The following SOS1 variants were observed in gnomAD, a reference collection of about 807,000 sequenced individuals.
SOS1 encodes SOS Ras/Rac guanine nucleotide exchange factor 1.
A neutral mutation model predicts 157.6 loss-of-function variants in SOS1; 25 were observed. The observed-to-expected ratio is 0.16, with a 90% CI of 0.12 to 0.22. The LOEUF is 0.22. Ranked by LOEUF, SOS1 falls within the 10% of genes least tolerant of loss-of-function variation. The pLI is 1.00. For synonymous variants in SOS1, 528 were observed against 534.0 expected, an observed-to-expected ratio of 0.99 and a Z score of 0.16; for missense variants, 1,237 against 1,599.1, an observed-to-expected ratio of 0.77 and a Z score of 3.86.
At chr2:39,083,882 T>C (rs1263034792) in intron 1 of SOS1, among the ~76,000 whole-genome samples, 1 of 152,176 alleles carries the variant, frequency 6.6e-6, no homozygotes, top group Non-Finnish European at 1.5e-5. Context: ...CCAAAATTCA[T>C]ATGAAGCCCT....
Position 38,997,048 on chromosome 2 carries a change from AT to A in SOS1, c.2965-11del. ...AGTTTTCAAAGAACCTCTAAAATAA[AT>A]GCAAAGAAAAAATTATTAATATTCA... On this transcript the variant is annotated splice_polypyrimidine_tract_variant and intron_variant, in intron 18 of 22. Transcript: ENST00000402219. 1 of 1,385,176 alleles carries A rather than the reference AT, an allele frequency of 7.2e-7. No individual in the cohort carries two copies. The highest frequency in any genetic ancestry group is 1.0e-6 in the Non-Finnish European group (1 of 977,860). 85.8% of individuals were successfully genotyped at this position (1,385,176 alleles called of 1,614,324 possible).
At chr2:39,107,385 T>C (rs1673233864) in intron 1 of SOS1, among the ~76,000 whole-genome samples, 2 of 152,170 alleles carry the variant, frequency 1.3e-5, no homozygotes, top group South Asian at 4.1e-4. Flanking sequence ...CAGGCACCTT[T>C]CACTCAAAGA....
At chr2:39,121,624 G>A (rs1049871840), upstream of SOS1, among the ~76,000 whole-genome samples, 9 of 152,184 alleles carry the variant, frequency 5.9e-5, no homozygotes, top group Non-Finnish European at 2.9e-5. Flanking sequence ...TCCTCCAGTG[G>A]ATATCGAGAC....
intron 15 of SOS1, among the ~76,000 whole-genome samples, chr2:39,009,123 A>C (rs1033282519): frequency 1.3e-5 from 2 of 152,162 alleles, no homozygotes; most frequent in Non-Finnish European, 2.9e-5. Context: ...ATTGATGACA[A>C]TGTGCATCGA....
intron 1 of SOS1, among the ~76,000 whole-genome samples, chr2:39,076,837 G>T (rs1480207089): frequency 6.6e-6 from 1 of 152,088 alleles, no homozygotes; most frequent in Non-Finnish European, 1.5e-5. Flanking sequence ...GTTATTATTT[G>T]CAGGTAATAT....
chr2:39,079,487 A>ATTTTTT (rs1201929648), intron 1 of SOS1, among the ~76,000 whole-genome samples: 3 of 82,706 alleles, frequency 3.6e-5, no homozygotes, highest in African/African-American at 5.0e-5. Context: ...AAGTGTTCGA[A>ATTTTTT]TTTTTTTTTT....
intron 10 of SOS1, among the ~76,000 whole-genome samples, chr2:39,019,851 CT>C: frequency 6.6e-6 from 1 of 151,580 alleles, no homozygotes. Flanking sequence ...AAAAAAATTA[CT>C]GACAATATCT....
In SOS1 at chr2:39,053,373, C is replaced by G. The variant is rs145990486; in HGVS notation, c.720+1241G>C. Among the ~76,000 whole-genome samples, 1,180 of 152,204 alleles carry G rather than the reference C, an allele frequency of 7.8e-3. 7 individuals are homozygous for G. The highest frequency in any genetic ancestry group is 0.014 in the Middle Eastern group (4 of 294). On this transcript the variant is annotated intron_variant, in intron 5 of 22. Transcript: ENST00000402219. ...CTCTAATGATTAGTGATGTTGAACA[C>G]CTTTTGATGTGCTTTTTGGCCATTT...
At position 39,073,131 on chromosome 2, in the gene SOS1, A is replaced by C. The variant is rs1218669712; in HGVS notation, c.88-5378T>G. ...TCATAAATGGTACTCAGAGACATTT[A>C]ATAGATCAAATGATCCAAGTTATTT... On this transcript the variant is annotated intron_variant, in intron 1 of 22. Coordinates refer to ENST00000402219, the MANE Select transcript of SOS1 (RefSeq NM_005633.4). Among the ~76,000 whole-genome samples the C allele has an allele frequency of 2.6e-5, 4 of 152,380 alleles. No individual in the cohort carries two copies. In the East Asian group the frequency reaches 7.7e-4, roughly 29 times the overall value.
intron 20 of SOS1, 139 bp downstream of exon 20, chr2:38,994,984 T>G (rs939094943): frequency 1.5e-6 from 1 of 675,814 alleles, no homozygotes; most frequent in Non-Finnish European, 2.5e-6. Flanking sequence ...GTCTTATATT[T>G]TTATAATATT....
chr2:39,105,410 G>T (rs1673131976), intron 1 of SOS1, among the ~76,000 whole-genome samples: 1 of 151,970 alleles, frequency 6.6e-6, no homozygotes, highest in South Asian at 2.1e-4. Context: ...AGGCACCAAG[G>T]CTGGCTGCCA....
At position 39,040,709 on chromosome 2, in the gene SOS1, A is replaced by G. The variant is rs542896682; in HGVS notation, c.865-5209T>C. Among the ~76,000 whole-genome samples the G allele has an allele frequency of 3.9e-5, 6 of 152,322 alleles. No homozygotes were observed. In the East Asian group the frequency reaches 7.7e-4, roughly 20 times the overall value. ...TCCACTGTATATTCTACTGTAATGT[A>G]TTTACCATATACATTTAATTTAACC... On this transcript the variant is annotated intron_variant, in intron 6 of 22. Transcript: ENST00000402219.
chr2:39,022,770 A>G lies in SOS1; in HGVS notation c.1658T>C (p.Met553Thr), dbSNP rs1558474300. ...TTCCTGTAGCATTGTTACATCAAGC[A>G]TCCTTTCCAGTGTACTCCGGTACTG... ...SLQYRSTLER[M>T]LDVTMLQEEK... Residue 553 changes from methionine (M) to threonine (T), a missense_variant, in exon 10 of 23, where the codon ATG becomes ACG. Physicochemically the swap from Met to Thr is moderately conservative, Grantham distance 81 (BLOSUM62 -1). This residue lies in a region of SOS1 where 210 missense variants were observed against 220.2 expected (regional missense o/e 0.95). Transcript: ENST00000402219. 2 of 1,613,744 alleles carry G rather than the reference A, an allele frequency of 1.2e-6. No individual in the cohort carries two copies. The highest frequency in any genetic ancestry group is 1.7e-6 in the Non-Finnish European group (2 of 1,179,700).
intron 1 of SOS1, among the ~76,000 whole-genome samples, chr2:39,118,481 A>C (rs1260236373): frequency 6.6e-6 from 1 of 152,216 alleles, no homozygotes; most frequent in African/African-American, 2.4e-5. Flanking sequence ...AGAACCTTAC[A>C]TATCAGCTAG....
chr2:39,065,722 T>G (rs1293554861), intron 2 of SOS1, among the ~76,000 whole-genome samples: 2 of 152,210 alleles, frequency 1.3e-5, no homozygotes, highest in Non-Finnish European at 2.9e-5. Flanking sequence ...GCTTCACTAC[T>G]TAATAACTTG....
intron 1 of SOS1, among the ~76,000 whole-genome samples, chr2:39,110,033 T>TGTGTGA (rs1673357617): frequency 7.7e-6 from 1 of 130,434 alleles, no homozygotes; most frequent in Non-Finnish European, 1.7e-5. Context: ...CAGTTGTGTG[T>TGTGTGA]GTGTGCGTGT....
At chr2:39,071,999 G>A (rs1471346245) in intron 1 of SOS1, among the ~76,000 whole-genome samples, 1 of 150,808 alleles carries the variant, frequency 6.6e-6, no homozygotes, top group Non-Finnish European at 1.5e-5. Context: ...CATTTAGGAA[G>A]ACTTTCTTGT....
At chr2:39,044,361 A>G (rs1286271350) in intron 6 of SOS1, among the ~76,000 whole-genome samples, 4 of 152,182 alleles carry the variant, frequency 2.6e-5, no homozygotes, top group African/African-American at 9.7e-5. Flanking sequence ...AACTTTTGTT[A>G]TATCAATTTC....
chr2:39,083,657 T>C (rs1391485361), intron 1 of SOS1, among the ~76,000 whole-genome samples: 3 of 152,186 alleles, frequency 2.0e-5, no homozygotes, highest in Non-Finnish European at 4.4e-5. Flanking sequence ...GATAAGACTT[T>C]TTGAAAAGTA....
Sources: gnomAD v4.1 joint callset for allele counts (sites outside exome capture counted in the v4.1 genomes callset) on GRCh38, gnomAD v4.1.1 for gene constraint, gnomAD v4.1.1 regional missense constraint, MANE v1.5 for transcripts, NCBI Gene and HGNC (gene_info 2026-07-23, HGNC 2026-07-21) for gene names.